The following VWC2L variants were observed in gnomAD, a reference collection of about 807,000 sequenced individuals.
The protein encoded by VWC2L is von Willebrand factor C domain-containing protein 2-like.
In VWC2L, 10 loss-of-function variants were observed where a neutral mutation model predicts 21.6. That is an observed-to-expected ratio of 0.46 (90% CI 0.29 to 0.78). The LOEUF is 0.78. Ranked by LOEUF, VWC2L falls within the 30% of genes least tolerant of loss-of-function variation. VWC2L has a pLI of 0.10. For missense variants in VWC2L, 209 were observed against 277.1 expected, an observed-to-expected ratio of 0.75 and a Z score of 1.74; for synonymous variants, 96 against 94.3, an observed-to-expected ratio of 1.02 and a Z score of -0.10.
At chr2:214,530,406 C>T (rs1689415157) in intron 3 of VWC2L, among the ~76,000 whole-genome samples, 1 of 152,154 alleles carries the variant, frequency 6.6e-6, no homozygotes. Context: ...ATAATATGAA[C>T]TATTGATCCC....
intron 2 of VWC2L, chr2:214,436,059 C>G (rs757454723): frequency 1.3e-5 from 2 of 151,722 alleles, no homozygotes; most frequent in Non-Finnish European, 2.9e-5. Flanking sequence ...CTACATCTTT[C>G]AAGAGGCAGT....
Position 214,436,641 on chromosome 2 carries a change from G to T in VWC2L, c.403G>T (p.Glu135Ter). The T allele has an allele frequency of 1.2e-6, 2 of 1,613,268 alleles. No individual in the cohort carries two copies. Among genetic ancestry groups the T allele is most frequent in the South Asian group, 2.2e-5 (2 of 91,064 alleles). ...ILEEFKPSPC[E>*]WCRCEPSNEV... ...GATTTGTTCCTAGCCCTCTCCATGT[G>T]AATGGTGTCGCTGTGAGCCCAGCAA... Residue 135 changes from glutamate (E) to a stop codon, truncating the protein, a stop_gained, in exon 3 of 4, where the codon GAA becomes TAA. Coordinates refer to ENST00000312504, the MANE Select transcript of VWC2L (RefSeq NM_001080500.4). LOFTEE classifies it high-confidence loss of function.
intron 3 of VWC2L, among the ~76,000 whole-genome samples, chr2:214,562,241 G>C (rs931245206): frequency 1.3e-5 from 2 of 152,074 alleles, no homozygotes; most frequent in Non-Finnish European, 2.9e-5. Flanking sequence ...AGAACATGCA[G>C]TGTTTGGTTT....
intron 3 of VWC2L, among the ~76,000 whole-genome samples, chr2:214,483,070 TATC>T (rs948606359): frequency 6.6e-6 from 1 of 152,148 alleles, no homozygotes; most frequent in African/African-American, 2.4e-5. Flanking sequence ...CTAATATCCC[TATC>T]ATATGAATGA....
intron 3 of VWC2L, among the ~76,000 whole-genome samples, chr2:214,530,980 T>C (rs1689424414): frequency 6.6e-6 from 1 of 152,006 alleles, no homozygotes; most frequent in South Asian, 2.1e-4. Flanking sequence ...ACAATGGGGG[T>C]GGTTTAATAT....
At chr2:214,540,007 AC>A (rs1411409161) in intron 3 of VWC2L, among the ~76,000 whole-genome samples, 9 of 152,126 alleles carry the variant, frequency 5.9e-5, no homozygotes, top group Non-Finnish European at 1.3e-4. Context: ...AAATTGATGA[AC>A]CTACCATATC....
intron 3 of VWC2L, among the ~76,000 whole-genome samples, chr2:214,455,555 G>C (rs1452154806): frequency 6.6e-6 from 1 of 152,114 alleles, no homozygotes; most frequent in Admixed American, 6.5e-5. Context: ...GACATTTTAA[G>C]ACCCCTCTTC....
At chr2:214,445,572 T>TA (rs1702826222) in intron 3 of VWC2L, among the ~76,000 whole-genome samples, 1 of 151,588 alleles carries the variant, frequency 6.6e-6, no homozygotes, top group South Asian at 2.1e-4. Flanking sequence ...CTATTTTTAC[T>TA]AAAAAGAAAA....
chr2:214,484,392 G>T (rs989425987), intron 3 of VWC2L, among the ~76,000 whole-genome samples: 1 of 152,074 alleles, frequency 6.6e-6, no homozygotes, highest in Non-Finnish European at 1.5e-5. Context: ...TCCAGGCCTC[G>T]GTACCTTGCC....
At chr2:214,516,137 T>C (rs944458323) in intron 3 of VWC2L, among the ~76,000 whole-genome samples, 7 of 152,110 alleles carry the variant, frequency 4.6e-5, no homozygotes, top group African/African-American at 1.7e-4. Flanking sequence ...ACTGATAACT[T>C]GAAATTAGCC....
intron 3 of VWC2L, chr2:214,534,053 C>T (rs1689485102): frequency 6.6e-6 from 1 of 152,542 alleles, no homozygotes; most frequent in Non-Finnish European, 1.5e-5. Flanking sequence ...TGGCTGGAAT[C>T]AAGGGCCAGG....
At chr2:214,536,164 A>G (rs1473618513) in intron 3 of VWC2L, among the ~76,000 whole-genome samples, 1 of 152,142 alleles carries the variant, frequency 6.6e-6, no homozygotes, top group Non-Finnish European at 1.5e-5. Flanking sequence ...ACTTGTTGGA[A>G]TGTTGGAATG....
chr2:214,431,605 C>T (rs1329779438), intron 2 of VWC2L, among the ~76,000 whole-genome samples: 2 of 152,212 alleles, frequency 1.3e-5, no homozygotes, highest in Non-Finnish European at 2.9e-5. Context: ...CTAAGAAACC[C>T]GTGTTGTTTT....
chr2:214,557,790 C>A (rs1689896832), intron 3 of VWC2L, among the ~76,000 whole-genome samples: 1 of 152,178 alleles, frequency 6.6e-6, no homozygotes, highest in Non-Finnish European at 1.5e-5. Flanking sequence ...TCTAACAACA[C>A]AGAATTTCGT....
intron 3 of VWC2L, among the ~76,000 whole-genome samples, chr2:214,537,887 C>A: frequency 7.2e-6 from 1 of 139,634 alleles, no homozygotes; most frequent in Non-Finnish European, 1.5e-5. Flanking sequence ...AAATTGCTTC[C>A]AAAGGATAGT....
intron 3 of VWC2L, among the ~76,000 whole-genome samples, chr2:214,518,120 C>G (rs1006310281): frequency 1.3e-5 from 2 of 151,666 alleles, no homozygotes; most frequent in African/African-American, 2.4e-5. Flanking sequence ...GAGCCAAGAT[C>G]ATGCCACTGC....
At chr2:214,542,126 C>A (rs2105921368) in intron 3 of VWC2L, among the ~76,000 whole-genome samples, 1 of 152,202 alleles carries the variant, frequency 6.6e-6, no homozygotes, top group Admixed American at 6.5e-5. Context: ...TTAGGTGGCT[C>A]TCACCACTAG....
intron 3 of VWC2L, among the ~76,000 whole-genome samples, chr2:214,468,160 C>T (rs1268266914): frequency 6.6e-6 from 1 of 151,888 alleles, no homozygotes; most frequent in Non-Finnish European, 1.5e-5. Context: ...GGGAATACAG[C>T]CACTCACCAC....
At chr2:214,447,810 G>T (rs1159369234) in intron 3 of VWC2L, among the ~76,000 whole-genome samples, 8 of 152,004 alleles carry the variant, frequency 5.3e-5, no homozygotes, top group Non-Finnish European at 1.0e-4. Flanking sequence ...ACCTTCTTGG[G>T]CTCTTGCATC....
Sources: gnomAD v4.1 joint callset for allele counts (sites outside exome capture counted in the v4.1 genomes callset) on GRCh38, gnomAD v4.1.1 for gene constraint, MANE v1.5 for transcripts, NCBI Gene and HGNC (gene_info 2026-07-23, HGNC 2026-07-21) for gene names.